Variants in KCNQ1 observed in about 807,000 individuals in gnomAD.
The protein encoded by KCNQ1 is potassium voltage-gated channel subfamily KQT member 1.
A neutral mutation model predicts 72.4 loss-of-function variants in KCNQ1; 49 were observed. That is an observed-to-expected ratio of 0.68 (90% confidence interval 0.54 to 0.86). The LOEUF (loss-of-function observed/expected upper bound fraction) is 0.86, where lower values mean the gene tolerates loss of function less well. KCNQ1 is among the 40% of genes least tolerant of loss of function. The pLI is 0.00. For missense variants in KCNQ1, 790 were observed against 945.1 expected, an observed-to-expected ratio of 0.84 and a Z score of 2.15; for synonymous variants, 450 against 412.6, an observed-to-expected ratio of 1.09 and a Z score of -1.10.
Position 2,589,011 on chromosome 11 carries a change from C to T in KCNQ1, c.1393+157C>T, listed in dbSNP as rs189010142. Among the ~76,000 whole-genome samples, 97 of 152,302 alleles carry T rather than the reference C, an allele frequency of 6.4e-4. 1 individual carries two copies. In the East Asian group the frequency reaches 0.016, roughly 26 times the overall value. On this transcript the variant is annotated intron_variant, in intron 10 of 15. Coordinates refer to ENST00000155840, the MANE Select transcript of KCNQ1 (RefSeq NM_000218.3). Reference sequence around the variant, plus strand: ...TGGAGCTTCTAGAAACTTCTGTAAACCTTCCAGGTGCCTTCCCCTCAGAGT... The same window carrying T: ...TGGAGCTTCTAGAAACTTCTGTAAATCTTCCAGGTGCCTTCCCCTCAGAGT...
At position 2,570,555 on chromosome 11, in the gene KCNQ1, A is replaced by C. The variant is rs183131023; in HGVS notation, c.478-73A>C. The C allele has an allele frequency of 6.8e-4, 1,086 of 1,597,622 alleles. 8 individuals carry two copies. In the African/African-American group the frequency reaches 0.013, roughly 20 times the overall value. On this transcript the variant is annotated intron_variant, in intron 2 of 15. Coordinates refer to ENST00000155840, the MANE Select transcript of KCNQ1 (RefSeq NM_000218.3). Reference sequence around the variant, plus strand: ...CGGAGGCTCCAGCATGGCTGGGTTCAAACAGGTTGCAGGGTCTGAAGCCAC... The same window carrying C: ...CGGAGGCTCCAGCATGGCTGGGTTCCAACAGGTTGCAGGGTCTGAAGCCAC...
At chr11:2,733,576 G>A (rs989714361) in intron 11 of KCNQ1, among the ~76,000 whole-genome samples, 2 of 152,006 alleles carry the variant, frequency 1.3e-5, no homozygotes, top group Admixed American at 1.3e-4. Context: ...CCCCGAGGTT[G>A]CTGCTGGCAG....
At chr11:2,615,077 T>C in intron 10 of KCNQ1, 2 of 398,308 alleles carry the variant, frequency 5.0e-6, no homozygotes, top group Middle Eastern at 6.3e-4. Context: ...TTGTCAACAG[T>C]GTTTTGTAGT....
At chr11:2,692,287 G>C (rs1850601075) in intron 11 of KCNQ1, 5 of 398,792 alleles carry the variant, frequency 1.3e-5, no homozygotes, top group Non-Finnish European at 2.2e-5. Flanking sequence ...AGTTCTAGAG[G>C]TTCCCTGCTT....
In KCNQ1 at chr11:2,651,893, C is replaced by T. The variant is rs771975282; in HGVS notation, c.1394-10068C>T. On this transcript the variant is annotated intron_variant, in intron 10 of 15. Transcript: ENST00000155840. This position sits in a 1 kb window ranked among gnomAD's most constrained non-coding sequence, Gnocchi z 6.1. The stretch of plus-strand genomic sequence containing the variant: ...GTGTTCAGGCTGAGGGGGTCATAGC[C>T]GAGGGTCCCTCTGGGGCCGCTTGCT... 1.3e-5 allele frequency: 5 copies of T among 398,588 alleles called. No homozygotes were observed. The South Asian group carries it at 3.8e-4, about 30-fold the overall frequency. The allele number at this position is 398,588 out of a possible 1,614,324, so 24.7% of individuals were successfully genotyped here.
At chr11:2,791,822 C>A in intron 15 of KCNQ1, among the ~76,000 whole-genome samples, 1 of 152,134 alleles carries the variant, frequency 6.6e-6, no homozygotes, top group East Asian at 1.9e-4. Context: ...CGGCTTCCTG[C>A]CCTGGCTCCG....
In KCNQ1 at chr11:2,611,348, T is replaced by C; in HGVS notation, c.1393+22494T>C. The C allele has an allele frequency of 2.5e-6, 1 of 397,514 alleles. No homozygotes were observed. The highest frequency in any genetic ancestry group is 4.4e-6 in the Non-Finnish European group (1 of 225,938). 24.6% of individuals were successfully genotyped at this position (397,514 alleles called of 1,614,324 possible). On this transcript the variant is annotated intron_variant, in intron 10 of 15. Coordinates refer to ENST00000155840, the MANE Select transcript of KCNQ1 (RefSeq NM_000218.3). The surrounding 1 kb of genome is among the most constrained non-coding windows in gnomAD (Gnocchi z 5.3). ...CGTTCTCTTGCCTCAGCATCCCAAG[T>C]AGCTGGGACTACAGGCATTTGCCAC...
rs1848630761 is a variant in KCNQ1 at position 2,588,783 on chromosome 11, C to T, written c.1322C>T (p.Pro441Leu). 6.2e-7 allele frequency: 1 copy of T among 1,613,378 alleles called. No homozygotes were observed. Among genetic ancestry groups the T allele is most frequent in the South Asian group, 1.1e-5 (1 of 91,012 alleles). The part of the protein sequence containing the change: ...VTPGEKMLTV[P>L]HITCDPPEER... ...CCTGGAGAGAAGATGCTCACAGTCC[C>T]CCATATCACGTGCGACCCCCCAGAA... Residue 441 changes from proline to leucine, a missense_variant, in exon 10 of 16, where the codon CCC becomes CTC. This residue lies in a region of KCNQ1 where 178 missense variants were observed against 177.9 expected (regional missense o/e 1.00). Coordinates refer to ENST00000155840, the MANE Select transcript of KCNQ1 (RefSeq NM_000218.3). This position sits in a 1 kb window ranked among gnomAD's most constrained non-coding sequence, Gnocchi z 5.6.
Position 2,746,937 on chromosome 11 carries a change from A to G in KCNQ1, c.1515-21907A>G, listed in dbSNP as rs1846149839. On this transcript the variant is annotated intron_variant, in intron 11 of 15. Transcript: ENST00000155840. The surrounding 1 kb of genome is among the most constrained non-coding windows in gnomAD (Gnocchi z 5.9). ...TCTGGCCTCTGCCTGGATCAAAGCCATGGCCCCCATTCCCCGGGGATAGGG... is the reference window on the plus strand; with the variant it reads ...TCTGGCCTCTGCCTGGATCAAAGCCGTGGCCCCCATTCCCCGGGGATAGGG... Among the ~76,000 whole-genome samples the G allele has an allele frequency of 1.3e-5, 2 of 152,186 alleles. No individual in the cohort carries two copies. The highest frequency in any genetic ancestry group is 2.9e-5 in the Non-Finnish European group (2 of 68,018).
chr11:2,538,224 A>G lies in KCNQ1; in HGVS notation c.477+10206A>G, dbSNP rs1477946675. 7.9e-5 allele frequency among the ~76,000 whole-genome samples: 12 copies of G among 152,132 alleles called. No homozygotes were observed. The highest frequency in any genetic ancestry group is 1.3e-4 in the Non-Finnish European group (9 of 68,022). On this transcript the variant is annotated intron_variant, in intron 2 of 15. Coordinates refer to ENST00000155840, the MANE Select transcript of KCNQ1 (RefSeq NM_000218.3). This position sits in a 1 kb window ranked among gnomAD's most constrained non-coding sequence, Gnocchi z 6.7. ...TGTGGCTGGTTTTTTCTCATTGCACATGGCTGTCACGCGGTTTCAGCTTCT... is the reference window on the plus strand; with the variant it reads ...TGTGGCTGGTTTTTTCTCATTGCACGTGGCTGTCACGCGGTTTCAGCTTCT...
intron 15 of KCNQ1, among the ~76,000 whole-genome samples, chr11:2,831,693 C>T (rs1439509481): frequency 2.0e-5 from 3 of 148,232 alleles, no homozygotes; most frequent in African/African-American, 7.5e-5. Context: ...CTTCCTCCAG[C>T]ACCCTTCTCC....
At position 2,642,026 on chromosome 11, in the gene KCNQ1, T is replaced by C. The variant is rs945942135; in HGVS notation, c.1394-19935T>C. The C allele has an allele frequency of 1.0e-5, 4 of 398,476 alleles. No individual in the cohort carries two copies. The highest frequency in any genetic ancestry group is 1.8e-5 in the Non-Finnish European group (4 of 225,958). 24.7% of individuals were successfully genotyped at this position (398,476 alleles called of 1,614,324 possible). ...CAATACCATGCTGCTTTTAATGCTA[T>C]AGCCTTATATTTTTAAATCAGGCAG... On this transcript the variant is annotated intron_variant, in intron 10 of 15. Coordinates refer to ENST00000155840, the MANE Select transcript of KCNQ1 (RefSeq NM_000218.3). The surrounding 1 kb of genome is among the most constrained non-coding windows in gnomAD (Gnocchi z 4.3).
Position 2,808,337 on chromosome 11 carries a change from C to G in KCNQ1, c.1794+30300C>G, listed in dbSNP as rs558743743. Among the ~76,000 whole-genome samples, 1 of 152,188 alleles carries G rather than the reference C, an allele frequency of 6.6e-6. No homozygotes were observed. The highest frequency in any genetic ancestry group is 2.4e-5 in the African/African-American group (1 of 41,440). ...CGGTCCTGGCATCACAGAGCTACCC[C>G]GGTCAAAAATATACCATGTAATTAC... On this transcript the variant is annotated intron_variant, in intron 15 of 15. Transcript: ENST00000155840. The surrounding 1 kb of genome is among the most constrained non-coding windows in gnomAD (Gnocchi z 6.0).
chr11:2,848,542 G>A lies in KCNQ1; in HGVS notation c.*539G>A, dbSNP rs886048171. Reference sequence around the variant, plus strand: ...CCTGGGCCTGGCTCCCTCACTCTCAGGAAATGCTGACCCATGGGCAGGAGA... The same window carrying A: ...CCTGGGCCTGGCTCCCTCACTCTCAAGAAATGCTGACCCATGGGCAGGAGA... On this transcript the variant is annotated 3_prime_UTR_variant, in exon 16 of 16. Coordinates refer to ENST00000155840, the MANE Select transcript of KCNQ1 (RefSeq NM_000218.3). The A allele has an allele frequency of 2.2e-6, 1 of 454,520 alleles. No homozygotes were observed. Among genetic ancestry groups the A allele is most frequent in the Middle Eastern group, 6.9e-4 (1 of 1,446 alleles). The allele number at this position is 454,520 out of a possible 1,614,324, so 28.2% of individuals were successfully genotyped here. A position where few individuals can be genotyped will look rare whatever the true frequency, so the allele number is the denominator to read the frequency against.
Position 2,824,355 on chromosome 11 carries a change from C to T in KCNQ1, c.1795-23412C>T, listed in dbSNP as rs2237894. Among the ~76,000 whole-genome samples the T allele has an allele frequency of 0.14, 21,942 of 151,878 alleles. 1,754 individuals carry two copies. The highest frequency in any genetic ancestry group is 0.22 in the Middle Eastern group (66 of 294). On this transcript the variant is annotated intron_variant, in intron 15 of 15. Coordinates refer to ENST00000155840, the MANE Select transcript of KCNQ1 (RefSeq NM_000218.3). The surrounding 1 kb of genome is among the most constrained non-coding windows in gnomAD (Gnocchi z 5.9). ...GAGACACAATCCCCAGACTTGGGGA[C>T]GAGCTGGATATGGTGGTGAAGGAGG...
intron 2 of KCNQ1, among the ~76,000 whole-genome samples, chr11:2,542,904 A>G (rs111819248): frequency 5.1e-4 from 78 of 152,316 alleles, no homozygotes; most frequent in African/African-American, 1.8e-3. Flanking sequence ...ATGGGTAAAT[A>G]CCTAGGTATA....
chr11:2,532,427 C>T (rs1166126097), intron 2 of KCNQ1, among the ~76,000 whole-genome samples: 1 of 152,244 alleles, frequency 6.6e-6, no homozygotes, highest in Non-Finnish European at 1.5e-5. Context: ...TCTCTCGAAG[C>T]ACTGGCCGCG....
intron 1 of KCNQ1, among the ~76,000 whole-genome samples, chr11:2,502,477 C>T (rs1201608108): frequency 6.6e-6 from 1 of 152,006 alleles, no homozygotes; most frequent in Non-Finnish European, 1.5e-5. Context: ...ATAAACTTAA[C>T]CAAAGAAGTG....
At chr11:2,629,156 G>A in intron 10 of KCNQ1, 1 of 398,124 alleles carries the variant, frequency 2.5e-6, no homozygotes, top group Non-Finnish European at 4.4e-6. Context: ...GATAGGCATT[G>A]CCTTGAATCT....
Sources: allele counts gnomAD v4.1 joint callset (sites outside exome capture counted in the v4.1 genomes callset), GRCh38; gene constraint gnomAD v4.1.1; regional missense constraint gnomAD v4.1.1; non-coding constraint Gnocchi (gnomAD v3.1); transcripts MANE v1.5; gene names NCBI Gene and HGNC (gene_info 2026-07-23, HGNC 2026-07-21).